The following ZMYND11 variants were observed in gnomAD, a reference collection of about 807,000 sequenced individuals.
The protein encoded by ZMYND11 is zinc finger MYND-type containing 11, also known as zinc finger MYND domain-containing protein 11.
A neutral mutation model predicts 84.9 loss-of-function variants in ZMYND11; 9 were observed. The ratio of observed to expected loss-of-function variants is 0.11; its 90% confidence interval spans 0.06 to 0.18. The LOEUF (loss-of-function observed/expected upper bound fraction) is 0.18. ZMYND11 is among the 10% of genes least tolerant of loss of function. The probability of loss-of-function intolerance (pLI) is 1.00; values close to 1 mark genes in which losing one functional copy is unlikely to be tolerated. For missense variants in ZMYND11, 409 were observed against 761.0 expected (o/e 0.54, Z 5.44); for synonymous variants, 250 against 244.1 (o/e 1.02, Z -0.23).
intron 1 of ZMYND11, among the ~76,000 whole-genome samples, chr10:138,110 GT>G (rs1198726870): frequency 2.2e-3 from 294 of 133,000 alleles, no homozygotes; most frequent in Middle Eastern, 0.011. Context: ...TTCTGTTGGC[GT>G]TTTTTTTTTT....
At chr10:174,708 G>T (rs1554766503) in intron 1 of ZMYND11, among the ~76,000 whole-genome samples, 1 of 151,638 alleles carries the variant, frequency 6.6e-6, no homozygotes, top group Non-Finnish European at 1.5e-5. Flanking sequence ...AAACCCATGA[G>T]TACTACAGTG....
rs1238923251 is a variant in ZMYND11 at position 248,930 on chromosome 10, A to G, written c.1528A>G (p.Arg510Gly). 1.2e-6 allele frequency: 2 copies of G among 1,613,636 alleles called. No homozygotes were observed. Among genetic ancestry groups the G allele is most frequent in the South Asian group, 1.1e-5 (1 of 90,950 alleles). ...GCGTTCTGAAATGGAAGAAGAAAAG[A>G]GACAAGCTGTAAATAAAGCTGTAGC... ...KLRSEMEEEK[R>G]QAVNKAVANM... is the part of the protein sequence containing the mutation. Residue 510 changes from arginine to glycine, a missense_variant, in exon 14 of 15, where the codon AGA (arginine) becomes GGA (glycine). Physicochemically the swap from Arg to Gly is moderately radical, Grantham distance 125. Transcript: ENST00000381604.
chr10:241,113 A>G (rs1165636552), intron 9 of ZMYND11, 143 bp downstream of exon 9: 1 of 560,896 alleles, frequency 1.8e-6, no homozygotes. Context: ...CAACTGAAAA[A>G]AAGTAACAGG....
chr10:245,912 T>C (rs1952031827), intron 10 of ZMYND11, among the ~76,000 whole-genome samples: 1 of 152,212 alleles, frequency 6.6e-6, no homozygotes, highest in Non-Finnish European at 1.5e-5. Flanking sequence ...TTAACACCTG[T>C]GGGCAGCATC....
At chr10:160,037 A>C (rs574415171) in intron 1 of ZMYND11, among the ~76,000 whole-genome samples, 1 of 152,336 alleles carries the variant, frequency 6.6e-6, no homozygotes, top group Non-Finnish European at 1.5e-5. Flanking sequence ...GAAGGGATAT[A>C]GTGAGGATCC....
At chr10:197,935 G>C (rs1942198139) in intron 2 of ZMYND11, 1 of 637,930 alleles carries the variant, frequency 1.6e-6, no homozygotes, top group Non-Finnish European at 2.8e-6. Flanking sequence ...CATTATTCTT[G>C]AACCTATGGT....
At chr10:166,620 G>A (rs782653666) in intron 1 of ZMYND11, among the ~76,000 whole-genome samples, 11 of 152,048 alleles carry the variant, frequency 7.2e-5, no homozygotes, top group Non-Finnish European at 1.0e-4. Context: ...TGGAGAAATT[G>A]GAACACTTGT....
chr10:165,739 T>TA (rs782006133), intron 1 of ZMYND11, among the ~76,000 whole-genome samples: 28 of 152,198 alleles, frequency 1.8e-4, no homozygotes, highest in African/African-American at 6.3e-4. Flanking sequence ...AGAGTTAACT[T>TA]AAAAAACCCA....
intron 2 of ZMYND11, among the ~76,000 whole-genome samples, chr10:191,744 A>G (rs1940463564): frequency 6.6e-6 from 1 of 152,236 alleles, no homozygotes; most frequent in African/African-American, 2.4e-5. Context: ...TAATTTCTCT[A>G]CCCGAATTCA....
intron 5 of ZMYND11, 143 bp downstream of exon 5, chr10:237,058 C>CT (rs1950112885): frequency 2.7e-6 from 2 of 740,482 alleles, no homozygotes; most frequent in Non-Finnish European, 4.2e-6. Context: ...TGTCATATTT[C>CT]TTTTTTGCAG....
rs375632559 is a variant in ZMYND11, at chr10:174,754, A to C, written c.-19-5240A>C. On this transcript the variant is annotated intron_variant, in intron 1 of 14. Transcript: ENST00000381604. ...GTCATTCATACATTGGTCAAAACCC[A>C]AGGGCACTACAGTGGCACATGCTTG... Among the ~76,000 whole-genome samples, 59 of 152,126 alleles carry C rather than the reference A, an allele frequency of 3.9e-4. No individual in the cohort carries two copies. The South Asian group carries it at 0.012, about 31-fold the overall frequency.
intron 3 of ZMYND11, among the ~76,000 whole-genome samples, chr10:219,680 G>T (rs1270967377): frequency 6.6e-6 from 1 of 152,122 alleles, no homozygotes; most frequent in Non-Finnish European, 1.5e-5. Context: ...TGATGCCAGT[G>T]TGCCCAACTT....
Position 221,376 on chromosome 10 carries a change from C to G in ZMYND11, c.438+20C>G. On this transcript the variant is annotated intron_variant, in intron 4 of 14. Coordinates refer to ENST00000381604, the MANE Select transcript of ZMYND11 (RefSeq NM_001370100.5). ...TGCAGGGTGAGTACCTATGAGCTTT[C>G]CTGTGCTGGTTAGAGGGTTGGAATT... 1 of 1,610,032 alleles carries G rather than the reference C, an allele frequency of 6.2e-7. No homozygotes were observed. The highest frequency in any genetic ancestry group is 1.1e-5 in the South Asian group (1 of 90,148).
At chr10:229,619 T>C (rs1221256007) in intron 4 of ZMYND11, among the ~76,000 whole-genome samples, 1 of 152,196 alleles carries the variant, frequency 6.6e-6, no homozygotes, top group African/African-American at 2.4e-5. Flanking sequence ...TGTACTGTTC[T>C]TCAGGTCTAA....
chr10:138,612 T>C (rs1836721845), intron 1 of ZMYND11, among the ~76,000 whole-genome samples: 1 of 152,220 alleles, frequency 6.6e-6, no homozygotes, highest in Non-Finnish European at 1.5e-5. Context: ...TAATACTTGC[T>C]ATAAAAGTAT....
chr10:233,668 C>T (rs888447658), intron 4 of ZMYND11, among the ~76,000 whole-genome samples: 11 of 152,312 alleles, frequency 7.2e-5, no homozygotes, highest in African/African-American at 2.6e-4. Flanking sequence ...TTTACTCACT[C>T]ATTTTTCCAG....
intron 1 of ZMYND11, among the ~76,000 whole-genome samples, chr10:137,945 A>C (rs1341469257): frequency 6.6e-6 from 1 of 151,966 alleles, no homozygotes; most frequent in African/African-American, 2.4e-5. Flanking sequence ...ATGAAAACCA[A>C]CTCTTCCTTT....
At chr10:240,004 G>T in intron 7 of ZMYND11, 52 bp from the exon 8 acceptor site, 1 of 1,473,988 alleles carries the variant, frequency 6.8e-7, no homozygotes. Flanking sequence ...GTAACTTTGA[G>T]TCTTGTATTT....
chr10:239,674 A>G, intron 7 of ZMYND11, 149 bp downstream of exon 7: 1 of 674,376 alleles, frequency 1.5e-6, no homozygotes, highest in Middle Eastern at 3.7e-4. Context: ...ATATCTGGTG[A>G]TATAGATTAT....
Sources: allele counts gnomAD v4.1 joint callset (sites outside exome capture counted in the v4.1 genomes callset), GRCh38; gene constraint gnomAD v4.1.1; transcripts MANE v1.5; gene names NCBI Gene and HGNC (gene_info 2026-07-23, HGNC 2026-07-21).